Variants in RBM47 observed in about 807,000 individuals in gnomAD.
The protein encoded by RBM47 is RNA-binding protein 47.
RBM47 carries 21 observed loss-of-function variants against 47.1 expected under a neutral mutation model. That is an observed-to-expected ratio of 0.45 (90% confidence interval 0.32 to 0.64). The LOEUF is 0.64. RBM47 is among the 30% of genes least tolerant of loss of function. RBM47 has a pLI of 0.05. For missense variants in RBM47, 708 were observed against 870.9 expected, an observed-to-expected ratio of 0.81 and a Z score of 2.35; for synonymous variants, 375 against 361.7, an observed-to-expected ratio of 1.04 and a Z score of -0.42.
intron 1 of RBM47, among the ~76,000 whole-genome samples, chr4:40,553,460 GC>G (rs1406203512): frequency 6.6e-6 from 1 of 151,984 alleles, no homozygotes; most frequent in African/African-American, 2.4e-5. Context: ...ACTATGCATG[GC>G]TATTTTTTGT....
intron 2 of RBM47, among the ~76,000 whole-genome samples, chr4:40,471,677 G>A (rs141839125): frequency 0.012 from 1,702 of 146,204 alleles, 22 homozygotes; most frequent in Middle Eastern, 0.067. Context: ...TGGGTGACAA[G>A]AGCAAAACTC....
chr4:40,425,737 A>T lies in RBM47; in HGVS notation c.*167T>A. The T allele has an allele frequency of 9.6e-7, 1 of 1,042,938 alleles. No homozygotes were observed. Among genetic ancestry groups the T allele is most frequent in the Non-Finnish European group, 1.3e-6 (1 of 743,646 alleles). The allele number at this position is 1,042,938 out of a possible 1,614,324, so 64.6% of individuals were successfully genotyped here. On this transcript the variant is annotated 3_prime_UTR_variant, in exon 7 of 7. Coordinates refer to ENST00000295971, the MANE Select transcript of RBM47 (RefSeq NM_001098634.2). The stretch of plus-strand genomic sequence containing the variant: ...GGCATGCTAAGTTGAAAATAGTCTT[A>T]AAAAACTAGTGAAAACTTCATGTAT...
rs71647000 is a variant in RBM47, at chr4:40,479,975, A to ATTTT, written c.-154-13280_-154-13277dup. Among the ~76,000 whole-genome samples, 23 of 117,292 alleles carry ATTTT rather than the reference A, an allele frequency of 2.0e-4. 4 individuals carry two copies. The highest frequency in any genetic ancestry group is 2.5e-4 in the Non-Finnish European group (15 of 58,960). 76.9% of individuals were successfully genotyped at this position (117,292 alleles called of 152,430 possible). ...TGAGGCAGGTACTAGTATCATCTCCATTTTTTTTTTTTTTTTTTTGAGACG... is the reference window on the plus strand; with the variant it reads ...TGAGGCAGGTACTAGTATCATCTCCATTTTTTTTTTTTTTTTTTTTTTTGAGACG... On this transcript the variant is annotated intron_variant, in intron 2 of 6. Transcript: ENST00000295971.
chr4:40,452,009 A>G (rs945538332), intron 3 of RBM47, among the ~76,000 whole-genome samples: 1 of 152,184 alleles, frequency 6.6e-6, no homozygotes, highest in Non-Finnish European at 1.5e-5. Flanking sequence ...GTCTCTACTA[A>G]AAATACAAAA....
At chr4:40,498,767 C>T (rs1722981372) in intron 2 of RBM47, among the ~76,000 whole-genome samples, 1 of 151,806 alleles carries the variant, frequency 6.6e-6, no homozygotes, top group Non-Finnish European at 1.5e-5. Context: ...TTATACATAG[C>T]GTCTGAAAAT....
At chr4:40,577,841 A>G (rs1732488076) in intron 1 of RBM47, among the ~76,000 whole-genome samples, 1 of 152,164 alleles carries the variant, frequency 6.6e-6, no homozygotes. Flanking sequence ...AAACCAACAA[A>G]CTGTCCAATA....
At chr4:40,504,000 C>A (rs1376306006) in intron 2 of RBM47, among the ~76,000 whole-genome samples, 1 of 151,828 alleles carries the variant, frequency 6.6e-6, no homozygotes, top group Non-Finnish European at 1.5e-5. Context: ...TAGTGAGACC[C>A]CCGTCTTGGA....
intron 1 of RBM47, among the ~76,000 whole-genome samples, chr4:40,598,183 T>C (rs1290367162): frequency 6.6e-6 from 1 of 152,216 alleles, no homozygotes; most frequent in African/African-American, 2.4e-5. Flanking sequence ...TGCCGCAATG[T>C]CTAATGGGAA....
At chr4:40,569,004 T>C (rs527237651) in intron 1 of RBM47, among the ~76,000 whole-genome samples, 1 of 147,282 alleles carries the variant, frequency 6.8e-6, no homozygotes, top group South Asian at 2.1e-4. Context: ...GATAGATAGA[T>C]AGATAGATAG....
chr4:40,620,974 G>A (rs1276982627), intron 1 of RBM47, among the ~76,000 whole-genome samples: 1 of 150,636 alleles, frequency 6.6e-6, no homozygotes, highest in East Asian at 1.9e-4. Flanking sequence ...AAATTGTGAT[G>A]ATGTCTTCCA....
Position 40,425,679 on chromosome 4 carries a change from C to T in RBM47, c.*225G>A, listed in dbSNP as rs887420757. ...TTAAAAGATGGAATGAAGGCACGAACCATTGCAAGTCTTTTGGAAATGTAT... is the reference window on the plus strand; with the variant it reads ...TTAAAAGATGGAATGAAGGCACGAATCATTGCAAGTCTTTTGGAAATGTAT... On this transcript the variant is annotated 3_prime_UTR_variant, in exon 7 of 7. Coordinates refer to ENST00000295971, the MANE Select transcript of RBM47 (RefSeq NM_001098634.2). The T allele has an allele frequency of 3.6e-6, 2 of 553,358 alleles. No homozygotes were observed. The highest frequency in any genetic ancestry group is 1.9e-5 in the African/African-American group (1 of 53,150). 34.3% of individuals were successfully genotyped at this position (553,358 alleles called of 1,614,324 possible).
At chr4:40,480,591 T>A (rs1325842235) in intron 2 of RBM47, among the ~76,000 whole-genome samples, 1 of 152,146 alleles carries the variant, frequency 6.6e-6, no homozygotes, top group Non-Finnish European at 1.5e-5. Flanking sequence ...TAATGTTCAA[T>A]GAATGAAACC....
At chr4:40,547,344 T>C (rs1358179612) in intron 1 of RBM47, among the ~76,000 whole-genome samples, 1 of 152,158 alleles carries the variant, frequency 6.6e-6, no homozygotes, top group African/African-American at 2.4e-5. Flanking sequence ...TAATGCAATA[T>C]AACCAGTGTC....
chr4:40,462,154 G>T (rs1717241200), intron 3 of RBM47, among the ~76,000 whole-genome samples: 1 of 151,976 alleles, frequency 6.6e-6, no homozygotes, highest in African/African-American at 2.4e-5. Flanking sequence ...AGGCGAGGCG[G>T]GTTACACAGC....
chr4:40,577,399 T>G (rs1262428748), intron 1 of RBM47, among the ~76,000 whole-genome samples: 1 of 152,118 alleles, frequency 6.6e-6, no homozygotes, highest in African/African-American at 2.4e-5. Flanking sequence ...GTTTGCCGAC[T>G]AAACAAGGCT....
At chr4:40,463,622 G>C (rs1289594585) in intron 3 of RBM47, among the ~76,000 whole-genome samples, 3 of 151,954 alleles carry the variant, frequency 2.0e-5, no homozygotes, top group African/African-American at 7.3e-5. Flanking sequence ...GATTGAGGTT[G>C]GTAAGTAATA....
chr4:40,436,768 GC>G, intron 4 of RBM47, 121 bp from the exon 5 acceptor site: 1 of 904,000 alleles, frequency 1.1e-6, no homozygotes, highest in Non-Finnish European at 1.8e-6. Flanking sequence ...CTACACCTTT[GC>G]TCTTTAATAG....
At chr4:40,436,378 C>T in intron 5 of RBM47, 63 bp downstream of exon 5, 1 of 1,514,818 alleles carries the variant, frequency 6.6e-7, no homozygotes, top group Non-Finnish European at 9.1e-7. Flanking sequence ...CTTGGATTCA[C>T]TTCAAACAGA....
At chr4:40,495,690 C>T (rs965278112) in intron 2 of RBM47, among the ~76,000 whole-genome samples, 1 of 152,060 alleles carries the variant, frequency 6.6e-6, no homozygotes, top group African/African-American at 2.4e-5. Context: ...TTTGGGATAA[C>T]AGAAGAGTGG....
Sources: gnomAD v4.1 joint callset for allele counts (sites outside exome capture counted in the v4.1 genomes callset) on GRCh38, gnomAD v4.1.1 for gene constraint, MANE v1.5 for transcripts, NCBI Gene and HGNC (gene_info 2026-07-23, HGNC 2026-07-21) for gene names.